UGT1A9: variants seen among roughly 807,000 people sequenced by gnomAD.
The protein encoded by UGT1A9 is UDP-glucuronosyltransferase 1A9.
In UGT1A9, 35 loss-of-function variants were observed where a neutral mutation model predicts 45.0. That is an observed-to-expected ratio of 0.78 (90% CI 0.59 to 1.03). The LOEUF (loss-of-function observed/expected upper bound fraction) is 1.03. Ranked by LOEUF, UGT1A9 falls within the 50% of genes least tolerant of loss-of-function variation. UGT1A9 has a pLI of 0.00. For missense variants in UGT1A9, 687 were observed against 666.6 expected (o/e 1.03, Z -0.34); for synonymous variants, 278 against 250.6 (o/e 1.11, Z -1.03).
At chr2:233,727,806 G>A (rs543849298) in intron 1 of UGT1A9, among the ~76,000 whole-genome samples, 1 of 152,288 alleles carries the variant, frequency 6.6e-6, no homozygotes, top group East Asian at 1.9e-4. Flanking sequence ...TGTCCCATGG[G>A]TTCTGTCCAA....
At chr2:233,717,613 A>C (rs998519106) in intron 1 of UGT1A9, among the ~76,000 whole-genome samples, 1 of 152,256 alleles carries the variant, frequency 6.6e-6, no homozygotes, top group African/African-American at 2.4e-5. Flanking sequence ...GGCACAGCCC[A>C]GAGAGCCTGC....
chr2:233,718,197 C>T (rs1417853211), intron 1 of UGT1A9, among the ~76,000 whole-genome samples: 5 of 152,036 alleles, frequency 3.3e-5, no homozygotes, highest in South Asian at 4.1e-4. Context: ...CTCCCCGGAG[C>T]TTTTTTTTAT....
intron 1 of UGT1A9, chr2:233,719,097 A>G (rs780928839): frequency 1.2e-6 from 2 of 1,614,264 alleles, no homozygotes; most frequent in Non-Finnish European, 1.7e-6. Context: ...TGATCGCGTT[A>G]CGCTGGGCTA....
intron 1 of UGT1A9, among the ~76,000 whole-genome samples, chr2:233,765,157 C>T (rs1698767071): frequency 6.6e-6 from 1 of 152,114 alleles, no homozygotes; most frequent in African/African-American, 2.4e-5. Context: ...CTAGGGAACC[C>T]CTCAGTTTGG....
intron 1 of UGT1A9, chr2:233,753,671 C>T (rs1245281633): frequency 2.0e-5 from 3 of 152,212 alleles, no homozygotes; most frequent in Admixed American, 6.5e-5. Flanking sequence ...GTGTATGGTG[C>T]CTCACCCAAA....
intron 1 of UGT1A9, chr2:233,761,151 G>A (rs748685520): frequency 3.7e-6 from 6 of 1,614,140 alleles, no homozygotes; most frequent in Non-Finnish European, 5.1e-6. Flanking sequence ...CACTATCCCA[G>A]GTGTGTATTG....
At position 233,772,301 on chromosome 2, in the gene UGT1A9, G is replaced by A. The variant is rs1384880194; in HGVS notation, c.1335G>A (p.Lys445=). ...TCATGCGCCTCTCCAGCCTTCACAA[G>A]GACCGCCCGGTGGAGCCGCTGGACC... ...ENIMRLSSLH[K]DRPVEPLDLA... The change falls in exon 5 of 5, where the codon AAG becomes AAA. Residue 445 remains lysine (K), a synonymous_variant. Transcript: ENST00000354728. The A allele has an allele frequency of 3.7e-6, 6 of 1,614,106 alleles. No individual in the cohort carries two copies. The highest frequency in any genetic ancestry group is 5.1e-6 in the Non-Finnish European group (6 of 1,180,054).
intron 1 of UGT1A9, among the ~76,000 whole-genome samples, chr2:233,695,692 A>G (rs972852421): frequency 1.3e-5 from 2 of 151,974 alleles, no homozygotes; most frequent in African/African-American, 4.8e-5. Flanking sequence ...CTGTGCCTAG[A>G]TTATTTCACC....
intron 1 of UGT1A9, chr2:233,747,241 C>CTG: frequency 6.2e-7 from 1 of 1,603,058 alleles, no homozygotes; most frequent in South Asian, 1.1e-5. Context: ...GGTTCCCCTG[C>CTG]TGTGGCTGGC....
Position 233,715,341 on chromosome 2 carries a change from TAGGTTTG to T in UGT1A9, c.855+42562_855+42568del, listed in dbSNP as rs563425877. On this transcript the variant is annotated intron_variant, in intron 1 of 4. Coordinates refer to ENST00000354728, the MANE Select transcript of UGT1A9 (RefSeq NM_021027.3). ...TACATAGTGATTAGATTGGTGCATGTAGGTTTGAGGTTTGAGACTTATATTTTCTTCA... is the reference window on the plus strand; with the variant it reads ...TACATAGTGATTAGATTGGTGCATGTAGGTTTGAGACTTATATTTTCTTCA... 4.5e-3 allele frequency among the ~76,000 whole-genome samples: 684 copies of T among 152,178 alleles called. 4 individuals are homozygous for T. Among genetic ancestry groups the T allele is most frequent in the African/African-American group, 0.016 (645 of 41,522 alleles).
chr2:233,732,919 A>G (rs1421681108), intron 1 of UGT1A9, among the ~76,000 whole-genome samples: 1 of 151,874 alleles, frequency 6.6e-6, no homozygotes, highest in Non-Finnish European at 1.5e-5. Flanking sequence ...CATTTTCACG[A>G]TATTGATTCT....
intron 1 of UGT1A9, among the ~76,000 whole-genome samples, chr2:233,675,871 C>T (rs2074338080): frequency 6.6e-6 from 1 of 152,134 alleles, no homozygotes; most frequent in South Asian, 2.1e-4. Flanking sequence ...AAATTTGTTA[C>T]ATAGCCACAA....
At chr2:233,757,637 C>G (rs375047032) in intron 1 of UGT1A9, among the ~76,000 whole-genome samples, 3 of 148,590 alleles carry the variant, frequency 2.0e-5, no homozygotes, top group Non-Finnish European at 4.5e-5. Context: ...CAGAACAGAA[C>G]AAAATGCTGT....
At chr2:233,733,206 G>C (rs1439179922) in intron 1 of UGT1A9, among the ~76,000 whole-genome samples, 1 of 152,146 alleles carries the variant, frequency 6.6e-6, no homozygotes, top group Non-Finnish European at 1.5e-5. Context: ...AGGAGACTTT[G>C]GGCTGAGACA....
intron 1 of UGT1A9, chr2:233,730,094 A>C: frequency 6.3e-7 from 1 of 1,593,062 alleles, no homozygotes; most frequent in Non-Finnish European, 8.5e-7. Flanking sequence ...ATCTTTCCAA[A>C]TATTTCATTT....
At chr2:233,682,683 C>T in intron 1 of UGT1A9, 2 of 1,613,862 alleles carry the variant, frequency 1.2e-6, no homozygotes, top group South Asian at 2.2e-5. Flanking sequence ...AGCCACACAT[C>T]AATTTGGTTG....
chr2:233,691,507 C>A, intron 1 of UGT1A9: 1 of 985,720 alleles, frequency 1.0e-6, no homozygotes, highest in Non-Finnish European at 1.2e-6. Context: ...AACTCGCGTG[C>A]CAGCCAGGTG....
At chr2:233,746,562 C>A (rs1365442579) in intron 1 of UGT1A9, among the ~76,000 whole-genome samples, 1 of 151,750 alleles carries the variant, frequency 6.6e-6, no homozygotes. Context: ...GCCCCTAGAG[C>A]ACCACACCCT....
At chr2:233,722,141 C>T (rs542945200) in intron 1 of UGT1A9, 1 of 165,432 alleles carries the variant, frequency 6.0e-6, no homozygotes, top group South Asian at 1.7e-4. Context: ...TTTAAGACTC[C>T]TGCAGGACAA....
Sources: gnomAD v4.1 joint callset for allele counts (sites outside exome capture counted in the v4.1 genomes callset) on GRCh38, gnomAD v4.1.1 for gene constraint, MANE v1.5 for transcripts, NCBI Gene and HGNC (gene_info 2026-07-23, HGNC 2026-07-21) for gene names.